The following SYCP1 variants were observed in gnomAD, a reference collection of about 807,000 sequenced individuals.
The protein encoded by SYCP1 is synaptonemal complex protein 1, also known as cancer/testis antigen 8.
Under a neutral mutation model 153.1 loss-of-function variants are expected in SYCP1, and 64 were observed. The ratio of observed to expected loss-of-function variants is 0.42; its 90% CI spans 0.34 to 0.51. The LOEUF (loss-of-function observed/expected upper bound fraction) is 0.51. SYCP1 is among the 20% of genes least tolerant of loss of function. SYCP1 has a pLI of 0.06. For synonymous variants in SYCP1, 384 were observed against 341.8 expected (o/e 1.12, Z -1.36); for missense variants, 997 against 1,049.0 (o/e 0.95, Z 0.68).
At chr1:114,928,436 G>A (rs1052214735) in intron 23 of SYCP1, among the ~76,000 whole-genome samples, 24 of 152,078 alleles carry the variant, frequency 1.6e-4, no homozygotes, top group Non-Finnish European at 3.2e-4. Context: ...TCTGTATGCA[G>A]CAAAAAGCTT....
chr1:114,935,163 C>A (rs1331365238), intron 23 of SYCP1, among the ~76,000 whole-genome samples: 1 of 152,176 alleles, frequency 6.6e-6, no homozygotes, highest in African/African-American at 2.4e-5. Flanking sequence ...GGAAGTAAAG[C>A]ACTCCTCAGC....
intron 23 of SYCP1, among the ~76,000 whole-genome samples, chr1:114,937,271 C>T (rs1474416113): frequency 6.6e-6 from 1 of 151,946 alleles, no homozygotes. Flanking sequence ...CTTTGACAAA[C>T]CTGACAAAAA....
chr1:114,920,313 T>C (rs1668784143), intron 20 of SYCP1, among the ~76,000 whole-genome samples: 1 of 152,174 alleles, frequency 6.6e-6, no homozygotes, highest in Admixed American at 6.5e-5. Flanking sequence ...GTTATTAACT[T>C]TCAGTTCAAT....
At chr1:114,931,261 A>T (rs917389223) in intron 23 of SYCP1, among the ~76,000 whole-genome samples, 1 of 152,020 alleles carries the variant, frequency 6.6e-6, no homozygotes, top group Non-Finnish European at 1.5e-5. Flanking sequence ...GGCAACAAAA[A>T]TAAATATATA....
chr1:114,918,003 T>C (rs72695808), intron 20 of SYCP1, among the ~76,000 whole-genome samples: 3,538 of 152,174 alleles, frequency 0.023, 55 homozygotes, highest in South Asian at 0.034. Context: ...ATCTGACTTA[T>C]CTATTTTTGC....
intron 7 of SYCP1, among the ~76,000 whole-genome samples, chr1:114,860,527 AG>A (rs1664298547): frequency 6.6e-6 from 1 of 152,134 alleles, no homozygotes; most frequent in Non-Finnish European, 1.5e-5. Context: ...TTACTTTTAA[AG>A]GGAGGCAATT....
At chr1:114,909,535 C>CAT (rs1668045144) in intron 16 of SYCP1, among the ~76,000 whole-genome samples, 2 of 127,658 alleles carry the variant, frequency 1.6e-5, no homozygotes. Flanking sequence ...CACACACACA[C>CAT]GTTTATATGT....
intron 21 of SYCP1, among the ~76,000 whole-genome samples, chr1:114,925,358 T>C (rs996374612): frequency 6.6e-6 from 1 of 152,188 alleles, no homozygotes; most frequent in African/African-American, 2.4e-5. Flanking sequence ...ATTTAAGACA[T>C]ACTTTATTTT....
rs1050989848 is a variant in SYCP1 at position 114,951,084 on chromosome 1, A to G, written c.2322+3764A>G. ...TGTGATCCGCCCGCCTCAGCCCCCC[A>G]AAGTGCTGGGATTACAGGCGTGAGC... On this transcript the variant is annotated intron_variant, in intron 27 of 31. Coordinates refer to ENST00000369522, the MANE Select transcript of SYCP1 (RefSeq NM_003176.4). Among the ~76,000 whole-genome samples, 7 of 152,104 alleles carry G rather than the reference A, an allele frequency of 4.6e-5. 1 individual carries two copies. Among genetic ancestry groups the G allele is most frequent in the Admixed American group, 3.9e-4 (6 of 15,270 alleles).
chr1:114,952,190 C>A (rs1671151679), intron 27 of SYCP1, among the ~76,000 whole-genome samples: 1 of 152,140 alleles, frequency 6.6e-6, no homozygotes, highest in East Asian at 1.9e-4. Flanking sequence ...AATACAATTG[C>A]TAAATTGTAT....
chr1:114,922,729 T>C (rs1668980245), intron 20 of SYCP1, among the ~76,000 whole-genome samples: 1 of 152,124 alleles, frequency 6.6e-6, no homozygotes, highest in African/African-American at 2.4e-5. Context: ...CATGTACTTT[T>C]CACATTCCTA....
At chr1:114,918,812 A>G (rs1239031988) in intron 20 of SYCP1, among the ~76,000 whole-genome samples, 5 of 151,952 alleles carry the variant, frequency 3.3e-5, no homozygotes, top group African/African-American at 1.2e-4. Context: ...TGGCATATAG[A>G]AATGCTACTG....
intron 27 of SYCP1, among the ~76,000 whole-genome samples, chr1:114,970,244 TC>T (rs1557841975): frequency 6.6e-6 from 1 of 152,228 alleles, no homozygotes; most frequent in Non-Finnish European, 1.5e-5. Flanking sequence ...TGTAAGCATG[TC>T]TTTCATTTCC....
At chr1:114,972,011 T>A (rs1672519195) in intron 27 of SYCP1, among the ~76,000 whole-genome samples, 1 of 152,174 alleles carries the variant, frequency 6.6e-6, no homozygotes. Flanking sequence ...CTTCTTTAAA[T>A]GTTTGGTAAA....
chr1:114,889,886 T>C (rs1286216532), intron 15 of SYCP1, among the ~76,000 whole-genome samples: 2 of 152,022 alleles, frequency 1.3e-5, no homozygotes, highest in East Asian at 3.8e-4. Flanking sequence ...TGTATACCTA[T>C]ACTTATTTTC....
At chr1:114,923,638 T>C in intron 21 of SYCP1, 108 bp downstream of exon 21, 1 of 1,127,314 alleles carries the variant, frequency 8.9e-7, no homozygotes, top group Non-Finnish European at 1.2e-6. Flanking sequence ...TAAATAATAG[T>C]GATCTAGAGA....
At position 114,977,553 on chromosome 1, in the gene SYCP1, A is replaced by T; in HGVS notation, c.2323-4A>T. 1 of 1,440,732 alleles carries T rather than the reference A, an allele frequency of 6.9e-7. No individual in the cohort carries two copies. Among genetic ancestry groups the T allele is most frequent in the Middle Eastern group, 1.8e-4 (1 of 5,600 alleles). The allele number at this position is 1,440,732 out of a possible 1,614,324, so 89.2% of individuals were successfully genotyped here. A position where few individuals can be genotyped will look rare whatever the true frequency, so the allele number is the denominator to read the frequency against. ...TACTTGTACTTGATATTTATTTTTAATAGGAAAAACTCAAAAGAGAGGCAA... is the reference window on the plus strand; with the variant it reads ...TACTTGTACTTGATATTTATTTTTATTAGGAAAAACTCAAAAGAGAGGCAA... On this transcript the variant is annotated splice_region_variant and splice_polypyrimidine_tract_variant and intron_variant, in intron 27 of 31. Coordinates refer to ENST00000369522, the MANE Select transcript of SYCP1 (RefSeq NM_003176.4).
chr1:114,904,128 T>G (rs959542595), intron 16 of SYCP1, among the ~76,000 whole-genome samples: 39 of 151,744 alleles, frequency 2.6e-4, no homozygotes, highest in Middle Eastern at 6.8e-3. Context: ...TTCTTTTTTT[T>G]TTTTTTGAGA....
chr1:114,947,814 A>C (rs1445801300), intron 27 of SYCP1, among the ~76,000 whole-genome samples: 1,653 of 48,946 alleles, frequency 0.034, 10 homozygotes, highest in Non-Finnish European at 0.041. Flanking sequence ...TCCGTCTCAA[A>C]AAAAAAAAAA....
Sources: allele counts gnomAD v4.1 joint callset (sites outside exome capture counted in the v4.1 genomes callset), GRCh38; gene constraint gnomAD v4.1.1; transcripts MANE v1.5; gene names NCBI Gene and HGNC (gene_info 2026-07-23, HGNC 2026-07-21).